The following SLC7A14 variants were observed in gnomAD, a reference collection of about 807,000 sequenced individuals.
SLC7A14 encodes the protein solute carrier family 7 member 14.
In SLC7A14, 37 loss-of-function variants were observed where a neutral mutation model predicts 60.2. That is an observed-to-expected ratio of 0.61 (90% CI 0.47 to 0.81). The LOEUF (loss-of-function observed/expected upper bound fraction) is 0.81, where lower values mean the gene tolerates loss of function less well. SLC7A14 is among the 30% of genes least tolerant of loss of function. The pLI, the probability that SLC7A14 is intolerant of heterozygous loss-of-function variation, is 0.00. For missense variants in SLC7A14, 886 were observed against 982.7 expected, an observed-to-expected ratio of 0.90 and a Z score of 1.32; for synonymous variants, 399 against 395.8, an observed-to-expected ratio of 1.01 and a Z score of -0.10.
chr3:170,507,713 T>G (rs996787722), intron 2 of SLC7A14, among the ~76,000 whole-genome samples: 1 of 152,198 alleles, frequency 6.6e-6, no homozygotes, highest in Non-Finnish European at 1.5e-5. Context: ...GTACAGTTCA[T>G]CTACTTGTAT....
intron 1 of SLC7A14, among the ~76,000 whole-genome samples, chr3:170,530,548 C>T (rs1464232609): frequency 6.6e-6 from 1 of 152,194 alleles, no homozygotes; most frequent in Non-Finnish European, 1.5e-5. Flanking sequence ...GCCAAGATAA[C>T]AGGGATGTGA....
At chr3:170,471,750 A>G (rs1739916978) in intron 7 of SLC7A14, among the ~76,000 whole-genome samples, 1 of 152,216 alleles carries the variant, frequency 6.6e-6, no homozygotes, top group Admixed American at 6.5e-5. Flanking sequence ...ATTTTGCTAT[A>G]AGCCAGAAGT....
chr3:170,486,306 A>C lies in SLC7A14; in HGVS notation c.822T>G (p.Thr274=). ...TGTTGGGATTCTTGGCTTCCTCTCCAGTGGTGGCGATGATGTCAAAGCCAA... is the reference window on the plus strand; with the variant it reads ...TGTTGGGATTCTTGGCTTCCTCTCCCGTGGTGGCGATGATGTCAAAGCCAA... ...AFIGFDIIAT[T]GEEAKNPNTS... Residue 274 remains threonine (T), a synonymous_variant, in exon 5 of 8, where the codon ACT becomes ACG. Transcript: ENST00000231706. 4 of 1,614,214 alleles carry C rather than the reference A, an allele frequency of 2.5e-6. No individual in the cohort carries two copies. The highest frequency in any genetic ancestry group is 3.4e-6 in the Non-Finnish European group (4 of 1,180,032).
intron 1 of SLC7A14, among the ~76,000 whole-genome samples, chr3:170,555,130 T>C (rs1472478643): frequency 2.6e-5 from 4 of 151,608 alleles, no homozygotes; most frequent in Non-Finnish European, 4.4e-5. Flanking sequence ...ATCACACCAC[T>C]GCACTTCAGC....
rs924235053 is a variant in SLC7A14, at chr3:170,585,496, G to A, written c.-153+415C>T. On this transcript the variant is annotated intron_variant, in intron 1 of 7. Coordinates refer to ENST00000231706, the MANE Select transcript of SLC7A14 (RefSeq NM_020949.3). This position sits in a 1 kb window ranked among gnomAD's most constrained non-coding sequence, Gnocchi z 5.1. Reference sequence around the variant, plus strand: ...GAGAACGGAGCTGCCCGTGCGGGGTGCGCGCCAAGGCGGGGGACAGGACGG... The same window carrying A: ...GAGAACGGAGCTGCCCGTGCGGGGTACGCGCCAAGGCGGGGGACAGGACGG... 6.6e-6 allele frequency among the ~76,000 whole-genome samples: 1 copy of A among 152,228 alleles called. No individual in the cohort carries two copies. Among genetic ancestry groups the A allele is most frequent in the African/African-American group, 2.4e-5 (1 of 41,468 alleles).
At chr3:170,491,864 AG>A (rs566160703) in intron 4 of SLC7A14, among the ~76,000 whole-genome samples, 136 of 152,312 alleles carry the variant, frequency 8.9e-4, no homozygotes, top group African/African-American at 3.2e-3. Flanking sequence ...TGGGGAGCGG[AG>A]GCAAATGGAG....
chr3:170,460,610 C>G lies in SLC7A14; in HGVS notation c.*6445G>C, dbSNP rs924346099. ...TGAACACAGTCCTTTAAAGTCTGCA[C>G]TGCAGGTGAAATTCACATGACTCAC... On this transcript the variant is annotated 3_prime_UTR_variant, in exon 8 of 8. Coordinates refer to ENST00000231706, the MANE Select transcript of SLC7A14 (RefSeq NM_020949.3). 1 of 152,100 alleles carries G rather than the reference C, an allele frequency of 6.6e-6. No homozygotes were observed. Among genetic ancestry groups the G allele is most frequent in the Non-Finnish European group, 1.5e-5 (1 of 68,030 alleles). The allele number at this position is 152,100 out of a possible 1,614,324, so 9.4% of individuals were successfully genotyped here. A position where few individuals can be genotyped will look rare whatever the true frequency, so the allele number is the denominator to read the frequency against.
At chr3:170,488,782 G>A (rs1257238017) in intron 4 of SLC7A14, among the ~76,000 whole-genome samples, 1 of 152,184 alleles carries the variant, frequency 6.6e-6, no homozygotes, top group African/African-American at 2.4e-5. Context: ...CAGGACATTG[G>A]TCTGGGCAAA....
At chr3:170,501,470 T>C in intron 2 of SLC7A14, 125 bp from the exon 3 acceptor site, 3 of 777,688 alleles carry the variant, frequency 3.9e-6, no homozygotes, top group South Asian at 1.8e-5. Flanking sequence ...CAAAGTTTTA[T>C]GTATATGAAT....
chr3:170,542,288 C>G (rs957193515), intron 1 of SLC7A14, among the ~76,000 whole-genome samples: 1 of 152,172 alleles, frequency 6.6e-6, no homozygotes, highest in Non-Finnish European at 1.5e-5. Flanking sequence ...TTTTCTTTCT[C>G]CTCTCATTGA....
Position 170,532,980 on chromosome 3 carries a change from T to C in SLC7A14, c.-152-5892A>G, listed in dbSNP as rs192916945. Among the ~76,000 whole-genome samples, 226 of 152,344 alleles carry C rather than the reference T, an allele frequency of 1.5e-3. 2 individuals carry two copies. In the Middle Eastern group the frequency reaches 0.017, roughly 11 times the overall value. The stretch of plus-strand genomic sequence containing the variant: ...GGTGTTATGCCTCCTCTCATTCTTC[T>C]ATACTTTTGACTTTTTTCCCCAAGA... On this transcript the variant is annotated intron_variant, in intron 1 of 7. Coordinates refer to ENST00000231706, the MANE Select transcript of SLC7A14 (RefSeq NM_020949.3). This position sits in a 1 kb window ranked among gnomAD's most constrained non-coding sequence, Gnocchi z 4.0.
chr3:170,549,276 A>G (rs2108304089), intron 1 of SLC7A14, among the ~76,000 whole-genome samples: 1 of 142,688 alleles, frequency 7.0e-6, no homozygotes, highest in South Asian at 2.2e-4. Context: ...GTGCAGTGGC[A>G]CGATCTTGGC....
At chr3:170,531,150 C>G (rs1713668412) in intron 1 of SLC7A14, among the ~76,000 whole-genome samples, 1 of 152,174 alleles carries the variant, frequency 6.6e-6, no homozygotes, top group Non-Finnish European at 1.5e-5. Flanking sequence ...TTGAGGTTCC[C>G]TGCCCCATGC....
intron 1 of SLC7A14, among the ~76,000 whole-genome samples, chr3:170,558,015 G>T (rs528225327): frequency 6.6e-5 from 10 of 152,258 alleles, no homozygotes; most frequent in Admixed American, 2.6e-4. Flanking sequence ...GGGGCAAAAA[G>T]TCTGTCTGGT....
chr3:170,520,898 C>T (rs1047036954), intron 2 of SLC7A14, among the ~76,000 whole-genome samples: 4 of 152,202 alleles, frequency 2.6e-5, no homozygotes, highest in African/African-American at 7.2e-5. Context: ...TTTGTTTCAT[C>T]CATAGCCAAC....
intron 1 of SLC7A14, among the ~76,000 whole-genome samples, chr3:170,561,524 G>A (rs1714649038): frequency 1.3e-5 from 2 of 152,182 alleles, no homozygotes. Flanking sequence ...GGGAACCTCA[G>A]TTTCTTTGTC....
chr3:170,532,187 G>C lies in SLC7A14; in HGVS notation c.-152-5099C>G, dbSNP rs187682253. Among the ~76,000 whole-genome samples the C allele has an allele frequency of 2.0e-5, 3 of 152,120 alleles. No homozygotes were observed. Among genetic ancestry groups the C allele is most frequent in the Non-Finnish European group, 4.4e-5 (3 of 68,040 alleles). On this transcript the variant is annotated intron_variant, in intron 1 of 7. Coordinates refer to ENST00000231706, the MANE Select transcript of SLC7A14 (RefSeq NM_020949.3). This position sits in a 1 kb window ranked among gnomAD's most constrained non-coding sequence, Gnocchi z 4.0. Reference sequence around the variant, plus strand: ...TGGCTGATAGAAGCAGCCCTTTCACGTGGTGGGACAGTTAGGATTGCTACA... The same window carrying C: ...TGGCTGATAGAAGCAGCCCTTTCACCTGGTGGGACAGTTAGGATTGCTACA...
intron 7 of SLC7A14, chr3:170,476,804 A>G (rs1403653589): frequency 6.6e-6 from 1 of 152,162 alleles, no homozygotes; most frequent in Non-Finnish European, 1.5e-5. Flanking sequence ...AGTTAAGTAA[A>G]TTTCCCAAAG....
rs1739639123 is a variant in SLC7A14 at position 170,463,015 on chromosome 3, G to A, written c.*4040C>T. On this transcript the variant is annotated 3_prime_UTR_variant, in exon 8 of 8. Coordinates refer to ENST00000231706, the MANE Select transcript of SLC7A14 (RefSeq NM_020949.3). ...CTTGTTAGTTCCTTGCATAGGTAAG[G>A]AAGCCACCGTCTCAGCTTTCTTAAA... 1 of 152,142 alleles carries A rather than the reference G, an allele frequency of 6.6e-6. No individual in the cohort carries two copies. The highest frequency in any genetic ancestry group is 1.5e-5 in the Non-Finnish European group (1 of 68,040). 9.4% of individuals were successfully genotyped at this position (152,142 alleles called of 1,614,324 possible). A position where few individuals can be genotyped will look rare whatever the true frequency, so the allele number is the denominator to read the frequency against.
Sources: gnomAD v4.1 joint callset for allele counts (sites outside exome capture counted in the v4.1 genomes callset) on GRCh38, gnomAD v4.1.1 for gene constraint, Gnocchi (gnomAD v3.1) non-coding constraint, MANE v1.5 for transcripts, NCBI Gene and HGNC (gene_info 2026-07-23, HGNC 2026-07-21) for gene names.